Variants in INPP5A observed in about 807,000 individuals in gnomAD.
INPP5A encodes the protein inositol polyphosphate-5-phosphatase A, also known as 43 kDa inositol polyphosphate 5-phophatase.
In INPP5A, 14 loss-of-function variants were observed where a neutral mutation model predicts 65.2. That is an observed-to-expected ratio of 0.21 (90% CI 0.14 to 0.34). The LOEUF (loss-of-function observed/expected upper bound fraction) is 0.34. INPP5A is among the 10% of genes least tolerant of loss of function. The probability of loss-of-function intolerance (pLI) is 1.00; values close to 1 mark genes in which losing one functional copy is unlikely to be tolerated. For synonymous variants in INPP5A, 207 were observed against 208.3 expected, an observed-to-expected ratio of 0.99 and a Z score of 0.05; for missense variants, 431 against 545.6, an observed-to-expected ratio of 0.79 and a Z score of 2.09.
intron 2 of INPP5A, among the ~76,000 whole-genome samples, chr10:132,615,510 C>T (rs1027674964): frequency 6.6e-6 from 1 of 152,170 alleles, no homozygotes; most frequent in African/African-American, 2.4e-5. Context: ...CTGCTGGGTG[C>T]GGGGAGGCTC....
chr10:132,634,017 CA>C (rs2072306414), intron 2 of INPP5A, among the ~76,000 whole-genome samples: 1 of 152,178 alleles, frequency 6.6e-6, no homozygotes, highest in Admixed American at 6.5e-5. Flanking sequence ...GTGACTATTT[CA>C]GTAGGTATTT....
At chr10:132,691,781 G>A (rs1845268118) in intron 5 of INPP5A, among the ~76,000 whole-genome samples, 2 of 152,360 alleles carry the variant, frequency 1.3e-5, no homozygotes, top group South Asian at 2.1e-4. Flanking sequence ...GAGGCGTGTG[G>A]ACGCGGGAGA....
At chr10:132,559,155 C>T (rs551041809) in intron 1 of INPP5A, among the ~76,000 whole-genome samples, 6 of 152,308 alleles carry the variant, frequency 3.9e-5, no homozygotes, top group South Asian at 2.1e-4. Flanking sequence ...GTGGTGTGCT[C>T]GCCTCTGGAG....
rs1319998312 is a variant in INPP5A, at chr10:132,644,463, C to T, written c.118-1405C>T. Among the ~76,000 whole-genome samples the T allele has an allele frequency of 6.6e-6, 1 of 152,224 alleles. No homozygotes were observed. The highest frequency in any genetic ancestry group is 1.9e-4 in the East Asian group (1 of 5,196). ...CATTTCTGTCTCCCCAGCCTGAGCC[C>T]GTCGTCCCTTGCTGGCTGCCCACTT... On this transcript the variant is annotated intron_variant, in intron 2 of 15. Coordinates refer to ENST00000368594, the MANE Select transcript of INPP5A (RefSeq NM_005539.5). This position sits in a 1 kb window ranked among gnomAD's most constrained non-coding sequence, Gnocchi z 6.5.
chr10:132,766,540 C>T (rs1416870392), intron 12 of INPP5A, among the ~76,000 whole-genome samples: 2 of 152,132 alleles, frequency 1.3e-5, no homozygotes, highest in African/African-American at 4.8e-5. Flanking sequence ...GTGGGGCGTG[C>T]GTCACACAGT....
intron 12 of INPP5A, among the ~76,000 whole-genome samples, chr10:132,770,111 C>T (rs1288735662): frequency 6.6e-6 from 1 of 152,194 alleles, no homozygotes; most frequent in Non-Finnish European, 1.5e-5. Flanking sequence ...CAGAGTCCCA[C>T]CTCTGCCCTG....
intron 11 of INPP5A, among the ~76,000 whole-genome samples, chr10:132,755,905 C>A (rs142108722): frequency 1.3e-5 from 2 of 152,152 alleles, no homozygotes; most frequent in African/African-American, 4.8e-5. Flanking sequence ...CAGCCATACA[C>A]GTATCCAGAC....
chr10:132,738,507 C>T lies in INPP5A; in HGVS notation c.733-11010C>T, dbSNP rs554063174. 6.6e-5 allele frequency among the ~76,000 whole-genome samples: 10 copies of T among 152,322 alleles called. No homozygotes were observed. In the South Asian group the frequency reaches 2.1e-3, roughly 32 times the overall value. On this transcript the variant is annotated intron_variant, in intron 9 of 15. Coordinates refer to ENST00000368594, the MANE Select transcript of INPP5A (RefSeq NM_005539.5). ...CACAGCAGGTGCTTCTGCCGCCGGGCAGGGCCAGTCCTGTGGAGCCACCCC... is the reference window on the plus strand; with the variant it reads ...CACAGCAGGTGCTTCTGCCGCCGGGTAGGGCCAGTCCTGTGGAGCCACCCC...
intron 4 of INPP5A, among the ~76,000 whole-genome samples, chr10:132,687,584 C>T (rs1845158279): frequency 6.6e-6 from 1 of 152,216 alleles, no homozygotes; most frequent in Admixed American, 6.5e-5. Context: ...CTCGGGTATC[C>T]TTCATCTCCG....
intron 1 of INPP5A, among the ~76,000 whole-genome samples, chr10:132,594,701 T>C (rs1225913028): frequency 6.6e-6 from 1 of 152,036 alleles, no homozygotes; most frequent in Non-Finnish European, 1.5e-5. Flanking sequence ...TGCCTGCACG[T>C]GTGTGGCATG....
intron 5 of INPP5A, among the ~76,000 whole-genome samples, chr10:132,696,965 C>T (rs907797054): frequency 2.0e-5 from 3 of 152,228 alleles, no homozygotes; most frequent in African/African-American, 7.2e-5. Context: ...GTTCCTCCTG[C>T]CATAGTGGGG....
intron 9 of INPP5A, among the ~76,000 whole-genome samples, chr10:132,732,882 G>T (rs998787685): frequency 1.3e-5 from 2 of 152,152 alleles, no homozygotes; most frequent in African/African-American, 2.4e-5. Context: ...TCCCTCCCGC[G>T]CAGAGTCTCC....
intron 12 of INPP5A, among the ~76,000 whole-genome samples, chr10:132,766,177 CA>C (rs2134674876): frequency 6.6e-6 from 1 of 152,280 alleles, no homozygotes; most frequent in East Asian, 1.9e-4. Flanking sequence ...TTCTTGTGTG[CA>C]TAGTGTTTTT....
intron 2 of INPP5A, among the ~76,000 whole-genome samples, chr10:132,620,500 C>T (rs536458178): frequency 3.9e-5 from 6 of 152,198 alleles, no homozygotes; most frequent in Admixed American, 1.3e-4. Context: ...CCATCAGATA[C>T]CCTAAATCAT....
chr10:132,624,251 G>T (rs1324179010), intron 2 of INPP5A, among the ~76,000 whole-genome samples: 1 of 152,254 alleles, frequency 6.6e-6, no homozygotes, highest in East Asian at 1.9e-4. Flanking sequence ...CTGCTGCGTG[G>T]TTCCATTTCT....
intron 4 of INPP5A, among the ~76,000 whole-genome samples, chr10:132,653,405 T>G (rs994927767): frequency 1.3e-5 from 2 of 152,160 alleles, no homozygotes; most frequent in Non-Finnish European, 2.9e-5. Context: ...CACCCGAGAC[T>G]CTGCCTGGCG....
rs1477999402 is a variant in INPP5A, at chr10:132,549,197, T to C, written c.75+11026T>C. On this transcript the variant is annotated intron_variant, in intron 1 of 15. Transcript: ENST00000368594. The surrounding 1 kb of genome is among the most constrained non-coding windows in gnomAD (Gnocchi z 4.9). ...GTCGGGGCTATCGTGGCTAGTGTAC[T>C]GTTTGTGAATATGCACGTGCCTGTG... Among the ~76,000 whole-genome samples, 2 of 152,174 alleles carry C rather than the reference T, an allele frequency of 1.3e-5. No individual in the cohort carries two copies. Among genetic ancestry groups the C allele is most frequent in the East Asian group, 3.9e-4 (2 of 5,184 alleles).
At chr10:132,576,874 A>G (rs1386164726) in intron 1 of INPP5A, among the ~76,000 whole-genome samples, 19 of 152,138 alleles carry the variant, frequency 1.2e-4, no homozygotes, top group Non-Finnish European at 2.1e-4. Flanking sequence ...TTAGAGTGAG[A>G]CTGACGAGGG....
intron 2 of INPP5A, among the ~76,000 whole-genome samples, chr10:132,632,736 C>A (rs2072291865): frequency 2.0e-5 from 3 of 152,206 alleles, no homozygotes; most frequent in Admixed American, 6.5e-5. Flanking sequence ...ATATTAAAAC[C>A]AAAGGCAATA....
Sources: allele counts gnomAD v4.1 joint callset (sites outside exome capture counted in the v4.1 genomes callset), GRCh38; gene constraint gnomAD v4.1.1; non-coding constraint Gnocchi (gnomAD v3.1); transcripts MANE v1.5; gene names NCBI Gene and HGNC (gene_info 2026-07-23, HGNC 2026-07-21).